CDH18: variants seen among roughly 807,000 people sequenced by gnomAD.
CDH18 encodes the protein cadherin-18.
A neutral mutation model predicts 67.9 loss-of-function variants in CDH18; 31 were observed. That is an observed-to-expected ratio of 0.46 (90% CI 0.34 to 0.62). The LOEUF (loss-of-function observed/expected upper bound fraction) is 0.62, where lower values mean the gene tolerates loss of function less well. CDH18 is among the 20% of genes least tolerant of loss of function. The pLI is 0.01. For missense variants in CDH18, 890 were observed against 975.5 expected (o/e 0.91, Z 1.17); for synonymous variants, 362 against 347.2 (o/e 1.04, Z -0.48).
intron 5 of CDH18, among the ~76,000 whole-genome samples, chr5:19,673,913 C>T (rs957724070): frequency 1.3e-5 from 2 of 152,056 alleles, no homozygotes; most frequent in African/African-American, 4.8e-5. Flanking sequence ...TCCAAGCAGT[C>T]TTACTTCACA....
At chr5:20,310,770 T>C (rs564793818) in intron 1 of CDH18, among the ~76,000 whole-genome samples, 42 of 152,334 alleles carry the variant, frequency 2.8e-4, no homozygotes, top group Non-Finnish European at 5.3e-4. Context: ...GTAAGATACA[T>C]TGAATGCATT....
At chr5:19,595,183 A>G (rs1413129650) in intron 6 of CDH18, among the ~76,000 whole-genome samples, 16 of 152,294 alleles carry the variant, frequency 1.1e-4, no homozygotes, top group Admixed American at 1.0e-3. Flanking sequence ...TCCCATTTAT[A>G]ATAGCATTGA....
At chr5:19,737,956 A>AT (rs1425844584) in intron 4 of CDH18, among the ~76,000 whole-genome samples, 1 of 152,132 alleles carries the variant, frequency 6.6e-6, no homozygotes, top group African/African-American at 2.4e-5. Context: ...GGATCTATAT[A>AT]TGTGACATTC....
At chr5:20,554,388 T>C (rs1757793864) in intron 1 of CDH18, among the ~76,000 whole-genome samples, 1 of 152,248 alleles carries the variant, frequency 6.6e-6, no homozygotes, top group Non-Finnish European at 1.5e-5. Flanking sequence ...CTTATTATTC[T>C]TTATCTTCAA....
At chr5:20,377,030 AAAT>A (rs1246934198) in intron 1 of CDH18, among the ~76,000 whole-genome samples, 1 of 151,804 alleles carries the variant, frequency 6.6e-6, no homozygotes, top group Non-Finnish European at 1.5e-5. Flanking sequence ...AAAAAAAAAA[AAAT>A]ATTAGGTCAG....
intron 12 of CDH18, among the ~76,000 whole-genome samples, chr5:19,477,077 T>A (rs752223789): frequency 6.0e-4 from 91 of 150,566 alleles, no homozygotes; most frequent in Admixed American, 1.0e-3. Flanking sequence ...GGATATTATT[T>A]GCTAGTATTC....
At chr5:20,446,654 T>G (rs1056051851) in intron 1 of CDH18, among the ~76,000 whole-genome samples, 1 of 152,360 alleles carries the variant, frequency 6.6e-6, no homozygotes, top group Non-Finnish European at 1.5e-5. Flanking sequence ...GAAAATACAC[T>G]AATTCAAAGC....
chr5:20,428,052 C>T (rs988377956), intron 1 of CDH18, among the ~76,000 whole-genome samples: 3 of 150,802 alleles, frequency 2.0e-5, no homozygotes, highest in Non-Finnish European at 4.4e-5. Flanking sequence ...GGGTTTCAAG[C>T]CCCACGTGCA....
At chr5:19,784,710 A>G (rs1427541894) in intron 3 of CDH18, among the ~76,000 whole-genome samples, 4 of 152,132 alleles carry the variant, frequency 2.6e-5, no homozygotes, top group African/African-American at 9.7e-5. Context: ...ATCTTACTTC[A>G]TTTTTTAGAG....
At chr5:20,310,838 C>A (rs928370642) in intron 1 of CDH18, among the ~76,000 whole-genome samples, 2 of 152,144 alleles carry the variant, frequency 1.3e-5, no homozygotes, top group Non-Finnish European at 2.9e-5. Context: ...CATTGCAACA[C>A]CAACTGCAAT....
intron 1 of CDH18, among the ~76,000 whole-genome samples, chr5:20,479,496 T>C (rs1561045992): frequency 6.6e-6 from 1 of 151,810 alleles, no homozygotes; most frequent in Non-Finnish European, 1.5e-5. Flanking sequence ...TGCATCAGAG[T>C]CTCTTACTGG....
rs1751763097 is a variant in CDH18 at position 20,158,920 on chromosome 5, A to C, written c.-518+96524T>G. On this transcript the variant is annotated intron_variant, in intron 2 of 14. Transcript: ENST00000507958. ...CTTTTAGTCTCTCTTTATCACTTGC[A>C]ACCCCAACTATCATCTTGCAAATTC... 1.6e-5 allele frequency: 3 copies of C among 188,756 alleles called. No individual in the cohort carries two copies. In the South Asian group the frequency reaches 4.0e-4, roughly 25 times the overall value. 11.7% of individuals were successfully genotyped at this position (188,756 alleles called of 1,614,324 possible).
intron 1 of CDH18, among the ~76,000 whole-genome samples, chr5:20,541,754 G>T (rs1581173965): frequency 6.6e-6 from 1 of 152,106 alleles, no homozygotes; most frequent in African/African-American, 2.4e-5. Context: ...CTTTTAAAAG[G>T]AAATAAGCAT....
chr5:20,051,009 T>A (rs1741372978), intron 2 of CDH18, among the ~76,000 whole-genome samples: 1 of 151,850 alleles, frequency 6.6e-6, no homozygotes, highest in Admixed American at 6.6e-5. Flanking sequence ...AGTATTGTAA[T>A]AAAAAGATAC....
At chr5:19,597,007 T>C (rs1203421614) in intron 6 of CDH18, among the ~76,000 whole-genome samples, 1 of 152,196 alleles carries the variant, frequency 6.6e-6, no homozygotes, top group Non-Finnish European at 1.5e-5. Context: ...TCACTTATGA[T>C]GGAGTTCAGC....
chr5:20,045,386 A>T (rs935391011), intron 2 of CDH18, among the ~76,000 whole-genome samples: 10 of 152,100 alleles, frequency 6.6e-5, no homozygotes, highest in Non-Finnish European at 1.0e-4. Context: ...AAAGGGCAGA[A>T]ATGAGAACGC....
rs1773723559 is a variant in CDH18, at chr5:19,771,481, A to C, written c.229-24245T>G. Reference sequence around the variant, plus strand: ...GAACCTGAGGCCTGCCCAGAGACACACAGGTATCTTGGAAGGAGATTTTCC... The same window carrying C: ...GAACCTGAGGCCTGCCCAGAGACACCCAGGTATCTTGGAAGGAGATTTTCC... On this transcript the variant is annotated intron_variant, in intron 3 of 12. Transcript: ENST00000382275. 2.6e-5 allele frequency among the ~76,000 whole-genome samples: 4 copies of C among 152,160 alleles called. No homozygotes were observed. The South Asian group carries it at 8.3e-4, about 31-fold the overall frequency.
chr5:20,324,728 C>A (rs189300986), intron 1 of CDH18, among the ~76,000 whole-genome samples: 10 of 152,168 alleles, frequency 6.6e-5, no homozygotes, highest in Non-Finnish European at 1.3e-4. Context: ...TGTTTACAGT[C>A]CAAAGACATA....
rs1189353555 is a variant in CDH18 at position 20,142,598 on chromosome 5, A to G, written c.-518+112846T>C. On this transcript the variant is annotated intron_variant, in intron 2 of 14. Transcript: ENST00000507958. ...CTGCCTCAGAAAAAAAAAAAAAGAA[A>G]GAAAGAAAAGTTAATTCAGTTAAAA... Among the ~76,000 whole-genome samples, 3 of 152,226 alleles carry G rather than the reference A, an allele frequency of 2.0e-5. No individual in the cohort carries two copies. In the East Asian group the frequency reaches 5.8e-4, roughly 29 times the overall value.
Sources: gnomAD v4.1 joint callset for allele counts (sites outside exome capture counted in the v4.1 genomes callset) on GRCh38, gnomAD v4.1.1 for gene constraint, MANE v1.5 for transcripts, NCBI Gene and HGNC (gene_info 2026-07-23, HGNC 2026-07-21) for gene names.